NRXN2: variants seen among roughly 807,000 people sequenced by gnomAD.
The protein encoded by NRXN2 is neurexin-2-beta.
In NRXN2, 29 loss-of-function variants were observed where a neutral mutation model predicts 128.8. The observed-to-expected ratio is 0.23, with a 90% CI of 0.17 to 0.31. NRXN2 has a LOEUF of 0.31. NRXN2 is among the 10% of genes least tolerant of loss of function. The pLI is 1.00. For synonymous variants in NRXN2, 1,098 were observed against 1,075.2 expected (o/e 1.02, Z -0.41); for missense variants, 1,881 against 2,452.6 (o/e 0.77, Z 4.92).
chr11:64,699,494 G>A (rs1323005067), intron 2 of NRXN2, among the ~76,000 whole-genome samples: 2 of 126,402 alleles, frequency 1.6e-5, no homozygotes, highest in African/African-American at 3.0e-5. Flanking sequence ...GAAATGGTGC[G>A]ATCTCAGCTC....
intron 11 of NRXN2, chr11:64,659,831 C>T: frequency 4.5e-6 from 1 of 224,340 alleles, no homozygotes. Flanking sequence ...CACCAACACA[C>T]AGACTGCTGT....
At chr11:64,642,669 C>G (rs569067675) in intron 17 of NRXN2, 2 of 1,554,986 alleles carry the variant, frequency 1.3e-6, no homozygotes, top group South Asian at 2.4e-5. Flanking sequence ...CGGCCGCCCC[C>G]AGCAGCAACA....
chr11:64,692,682 A>G (rs2053976764), intron 4 of NRXN2, among the ~76,000 whole-genome samples, 165 bp downstream of exon 4: 1 of 147,148 alleles, frequency 6.8e-6, no homozygotes, highest in Non-Finnish European at 1.5e-5. Flanking sequence ...GCACCCCCCA[A>G]ATAAAATTAA....
chr11:64,627,838 G>A (rs1223145036), intron 19 of NRXN2, among the ~76,000 whole-genome samples: 1 of 152,118 alleles, frequency 6.6e-6, no homozygotes, highest in Non-Finnish European at 1.5e-5. Context: ...ACGCTGGTGG[G>A]GCCAGGAGGC....
In NRXN2 at chr11:64,622,996, C is replaced by T. The variant is rs1431796234; in HGVS notation, c.3930G>A (p.Val1310=). 4 of 1,613,196 alleles carry T rather than the reference C, an allele frequency of 2.5e-6. No individual in the cohort carries two copies. Among genetic ancestry groups the T allele is most frequent in the Non-Finnish European group, 3.4e-6 (4 of 1,179,848 alleles). The change falls in exon 21 of 23, where the codon GTG becomes GTA. Residue 1310 remains valine, a synonymous_variant. Transcript: ENST00000265459. The surrounding 1 kb of genome is among the most constrained non-coding windows in gnomAD (Gnocchi z 4.3). ...RDQGRPFQGQ[V]SGLYYNGLKV... ...TGAGCCCATTGTAGTAGAGGCCGGA[C>T]ACCTGGCCCTGGAAGGGGCGGCCCT...
intron 11 of NRXN2, 55 bp from the exon 12 acceptor site, chr11:64,653,777 G>GTT (rs563198102): frequency 4.4e-3 from 4,447 of 1,015,870 alleles, no homozygotes; most frequent in South Asian, 7.1e-3. Context: ...GGTAAAACAA[G>GTT]TTTTTTTTTT....
In NRXN2 at chr11:64,653,698, G is replaced by C. The variant is rs1328479176; in HGVS notation, c.2414C>G (p.Pro805Arg). Reference sequence around the variant, plus strand: ...AGAAGAAGAGGGAAGCCACTTACTGGGTGCGCAGCCGACGCGCAGGCAGTC... The same window carrying C: ...AGAAGAAGAGGGAAGCCACTTACTGCGTGCGCAGCCGACGCGCAGGCAGTC... The part of the protein sequence containing the change: ...NLDCLRVGCA[P>R]SKGPETLFAG... The change falls in exon 12 of 23, where the codon CCC becomes CGC. Residue 805 changes from proline (P) to arginine (R), a missense_variant and splice_region_variant. By Grantham distance (103) the Pro-to-Arg change is moderately radical. This residue lies in a region of NRXN2 where 997 missense variants were observed against 1,240.8 expected (regional missense o/e 0.80). Transcript: ENST00000265459. 1 of 1,596,868 alleles carries C rather than the reference G, an allele frequency of 6.3e-7. No homozygotes were observed.
Position 64,661,038 on chromosome 11 carries a change from C to A in NRXN2, c.1900G>T (p.Gly634Trp), listed in dbSNP as rs373446973. ...SELYLGGLPEGGRVDLPLPPE... is the reference protein window; with the variant it reads ...SELYLGGLPEWGRVDLPLPPE... ...GGCAGGGGCAGGTCCACCCGGCCCC[C>A]CTCAGGGAGACCGCCCAGGTACAGC... The change falls in exon 10 of 23, where the codon GGG becomes TGG. Residue 634 changes from glycine (G) to tryptophan (W), a missense_variant. Physicochemically the swap from Gly to Trp is radical, Grantham distance 184. Around this residue, in one of 7 missense-constraint regions of NRXN2, gnomAD observed 997 missense variants for 1,240.8 expected, o/e 0.80. Transcript: ENST00000265459. The A allele has an allele frequency of 6.8e-6, 11 of 1,613,516 alleles. No homozygotes were observed. The highest frequency in any genetic ancestry group is 5.0e-5 in the Admixed American group (3 of 60,024).
intron 22 of NRXN2, among the ~76,000 whole-genome samples, chr11:64,615,566 C>T (rs1379664004): frequency 6.6e-6 from 1 of 152,162 alleles, no homozygotes; most frequent in East Asian, 1.9e-4. Context: ...CAGGAGGCTG[C>T]TTCTGTGGGT....
chr11:64,632,956 T>C lies in NRXN2; in HGVS notation c.3585+2315A>G, dbSNP rs1381280570. Among the ~76,000 whole-genome samples the C allele has an allele frequency of 1.3e-5, 2 of 152,168 alleles. No individual in the cohort carries two copies. Among genetic ancestry groups the C allele is most frequent in the African/African-American group, 4.8e-5 (2 of 41,442 alleles). On this transcript the variant is annotated intron_variant, in intron 18 of 22. Coordinates refer to ENST00000265459, the MANE Select transcript of NRXN2 (RefSeq NM_015080.4). This position sits in a 1 kb window ranked among gnomAD's most constrained non-coding sequence, Gnocchi z 4.2. ...CTGCTACTGACGCTGTGGTGGGAGC[T>C]GATGTGTCACCAGGGGAGGAAGGGG... is the stretch of plus-strand genomic sequence containing the variant.
intron 6 of NRXN2, among the ~76,000 whole-genome samples, chr11:64,677,820 G>A (rs2051565921): frequency 1.3e-5 from 2 of 152,246 alleles, no homozygotes; most frequent in South Asian, 4.1e-4. Flanking sequence ...TGGCTAAAGA[G>A]CAAGTTGGTG....
At chr11:64,704,623 C>CACACAGAGAGAGAGAG (rs1336665936) in intron 2 of NRXN2, among the ~76,000 whole-genome samples, 21 of 81,208 alleles carry the variant, frequency 2.6e-4, no homozygotes, top group East Asian at 7.1e-4. Context: ...CACACACACA[C>CACACAGAGAGAGAGAG]AGAGAGAGAG....
At chr11:64,716,028 T>G (rs890799821) in intron 1 of NRXN2, among the ~76,000 whole-genome samples, 1 of 152,058 alleles carries the variant, frequency 6.6e-6, no homozygotes, top group African/African-American at 2.4e-5. Flanking sequence ...CCAGAAGCGG[T>G]AGCCAAAGAC....
At chr11:64,721,851 C>G (rs970336897) in intron 1 of NRXN2, among the ~76,000 whole-genome samples, 1 of 152,178 alleles carries the variant, frequency 6.6e-6, no homozygotes, top group East Asian at 1.9e-4. Context: ...ACTGGGGACC[C>G]AAGACCCACC....
In NRXN2 at chr11:64,607,211, C is replaced by T. The variant is rs780771650; in HGVS notation, c.5124G>A (p.Lys1708=). The change falls in exon 23 of 23, where the codon AAG becomes AAA. Residue 1708 remains lysine (K), a synonymous_variant. Transcript: ENST00000265459. ...TPSKAKKNKD[K]EYYV ...TGCCGGGGGCTCAGACATAATACTCCTTGTCTTTGTTCTTCTTGGCCTTGC... is the reference window on the plus strand; with the variant it reads ...TGCCGGGGGCTCAGACATAATACTCTTTGTCTTTGTTCTTCTTGGCCTTGC... 4 of 1,613,664 alleles carry T rather than the reference C, an allele frequency of 2.5e-6. No homozygotes were observed. The Admixed American group carries it at 6.7e-5, about 27-fold the overall frequency.
intron 5 of NRXN2, among the ~76,000 whole-genome samples, chr11:64,689,881 C>T (rs1340466572): frequency 6.6e-6 from 1 of 152,148 alleles, no homozygotes; most frequent in Non-Finnish European, 1.5e-5. Flanking sequence ...CACTGGAGTT[C>T]CTTGAGGACT....
chr11:64,675,442 C>G (rs572526800), intron 7 of NRXN2: 3 of 152,254 alleles, frequency 2.0e-5, no homozygotes, highest in Non-Finnish European at 4.4e-5. Flanking sequence ...CCAACTGTCA[C>G]GCTTCCCTCC....
Position 64,665,497 on chromosome 11 carries a change from G to A in NRXN2, c.1798+1753C>T, listed in dbSNP as rs2049716869. On this transcript the variant is annotated intron_variant, in intron 9 of 22. Transcript: ENST00000265459. Reference sequence around the variant, plus strand: ...AACCTAGAGTGTTACTGACCACCTGGTAGAAACCCTGTGGGGCAGAGGGCT... The same window carrying A: ...AACCTAGAGTGTTACTGACCACCTGATAGAAACCCTGTGGGGCAGAGGGCT... 3.3e-5 allele frequency among the ~76,000 whole-genome samples: 5 copies of A among 152,230 alleles called. No individual in the cohort carries two copies. The South Asian group carries it at 1.0e-3, about 31-fold the overall frequency.
At position 64,648,676 on chromosome 11, in the gene NRXN2, G is replaced by GCAGCTGGC; in HGVS notation, c.3283+50_3283+57dup. 1 of 1,604,516 alleles carries GCAGCTGGC rather than the reference G, an allele frequency of 6.2e-7. No individual in the cohort carries two copies. The highest frequency in any genetic ancestry group is 2.2e-5 in the East Asian group (1 of 44,834). On this transcript the variant is annotated intron_variant, in intron 16 of 22. Transcript: ENST00000265459. The surrounding 1 kb of genome is among the most constrained non-coding windows in gnomAD (Gnocchi z 4.1). ...AGGCTACCTGCCCCGGTCTGCCTCTGCAGCTGGCCATCCTGTAGCCAGTAG... is the reference window on the plus strand; with the variant it reads ...AGGCTACCTGCCCCGGTCTGCCTCTGCAGCTGGCCAGCTGGCCATCCTGTAGCCAGTAG...
Sources: gnomAD v4.1 joint callset for allele counts (sites outside exome capture counted in the v4.1 genomes callset) on GRCh38, gnomAD v4.1.1 for gene constraint, gnomAD v4.1.1 regional missense constraint, Gnocchi (gnomAD v3.1) non-coding constraint, MANE v1.5 for transcripts, NCBI Gene and HGNC (gene_info 2026-07-23, HGNC 2026-07-21) for gene names.